TTLL11: variants seen among roughly 807,000 people sequenced by gnomAD.
TTLL11 encodes the protein tubulin polyglutamylase TTLL11.
A neutral mutation model predicts 51.7 loss-of-function variants in TTLL11; 42 were observed. The ratio of observed to expected loss-of-function variants is 0.81; its 90% CI spans 0.64 to 1.05. TTLL11 has a LOEUF of 1.05. Ranked by LOEUF, TTLL11 falls within the 50% of genes least tolerant of loss-of-function variation. TTLL11 has a pLI of 0.00. For missense variants in TTLL11, 799 were observed against 940.4 expected, an observed-to-expected ratio of 0.85 and a Z score of 1.97; for synonymous variants, 381 against 383.5, an observed-to-expected ratio of 0.99 and a Z score of 0.08.
chr9:121,861,628 A>G (rs921065837), intron 7 of TTLL11, among the ~76,000 whole-genome samples: 4 of 152,074 alleles, frequency 2.6e-5, no homozygotes, highest in Non-Finnish European at 4.4e-5. Context: ...TAGTCTCCAG[A>G]AGGAGGAGGG....
intron 1 of TTLL11, among the ~76,000 whole-genome samples, chr9:122,070,102 T>C (rs780034737): frequency 1.2e-4 from 18 of 151,784 alleles, no homozygotes; most frequent in Non-Finnish European, 2.2e-4. Context: ...CAAATCATTA[T>C]CCCCCATGAA....
Position 122,092,858 on chromosome 9 carries a change from C to G in TTLL11, c.291G>C (p.Gln97His). The G allele has an allele frequency of 6.4e-7, 1 of 1,571,432 alleles. No homozygotes were observed. Among genetic ancestry groups the G allele is most frequent in the Non-Finnish European group, 8.6e-7 (1 of 1,166,136 alleles). The change falls in exon 1 of 9, where the codon CAG (glutamine) becomes CAC (histidine). Residue 97 changes from glutamine (Q) to histidine (H), a missense_variant. By Grantham distance (24) the Gln-to-His change is conservative. Around this residue, in one of 3 missense-constraint regions of TTLL11, gnomAD observed 166 missense variants for 161.6 expected, o/e 1.03. Transcript: ENST00000321582. ...GGGGCTTCCCGTGCGGGCAGAGGCCCTGCACCGGCTTCGGCTTGGACGGGG... is the reference window on the plus strand; with the variant it reads ...GGGGCTTCCCGTGCGGGCAGAGGCCGTGCACCGGCTTCGGCTTGGACGGGG... The part of the protein sequence containing the change: ...TLPPSKPKPV[Q>H]GLCPHGKPRD...
chr9:121,967,760 CAAAT>C (rs1226730794), intron 6 of TTLL11, among the ~76,000 whole-genome samples: 2 of 152,250 alleles, frequency 1.3e-5, no homozygotes, highest in East Asian at 1.9e-4. Context: ...CATCAACTGA[CAAAT>C]GAATACTAAA....
intron 6 of TTLL11, among the ~76,000 whole-genome samples, chr9:121,971,679 G>C (rs560193997): frequency 1.4e-5 from 2 of 139,574 alleles, no homozygotes; most frequent in East Asian, 4.0e-4. Context: ...CCGTGTCTGT[G>C]TAGAAAGAAG....
chr9:122,038,593 G>C (rs1438334164), intron 2 of TTLL11, among the ~76,000 whole-genome samples: 2 of 152,208 alleles, frequency 1.3e-5, no homozygotes, highest in Non-Finnish European at 2.9e-5. Flanking sequence ...AGGTTGCAGT[G>C]AGCCAAGATC....
chr9:121,828,680 T>G (rs1180004581), intron 8 of TTLL11, among the ~76,000 whole-genome samples: 2 of 152,218 alleles, frequency 1.3e-5, no homozygotes, highest in Non-Finnish European at 2.9e-5. Flanking sequence ...ACACTTGGTA[T>G]TTCATTGTTT....
intron 6 of TTLL11, among the ~76,000 whole-genome samples, chr9:121,915,314 G>A (rs1840284092): frequency 6.6e-6 from 1 of 152,142 alleles, no homozygotes; most frequent in Admixed American, 6.6e-5. Context: ...GCAGATATTG[G>A]GCTATTTTGA....
intron 3 of TTLL11, among the ~76,000 whole-genome samples, chr9:121,991,711 C>G (rs1843119696): frequency 1.3e-5 from 2 of 152,216 alleles, no homozygotes; most frequent in Admixed American, 6.5e-5. Flanking sequence ...GTCTCCGTCA[C>G]TCATTGGATT....
chr9:121,937,712 A>C (rs746607466), intron 6 of TTLL11, among the ~76,000 whole-genome samples: 2 of 152,166 alleles, frequency 1.3e-5, no homozygotes, highest in Non-Finnish European at 2.9e-5. Flanking sequence ...GACCAGGCAA[A>C]CCAAAAAAAT....
In TTLL11 at chr9:122,024,879, T is replaced by A. The variant is rs140162188; in HGVS notation, c.693+6844A>T. Among the ~76,000 whole-genome samples, 57 of 149,990 alleles carry A rather than the reference T, an allele frequency of 3.8e-4. 1 individual carries two copies. Among genetic ancestry groups the A allele is most frequent in the Admixed American group, 1.1e-3 (16 of 14,830 alleles). On this transcript the variant is annotated intron_variant, in intron 3 of 8. Coordinates refer to ENST00000321582, the MANE Select transcript of TTLL11 (RefSeq NM_001139442.2). Reference sequence around the variant, plus strand: ...TGAGCTTGGGTTAGATATAAATTCCTATATATGACACAAAAAGCATGATCT... The same window carrying A: ...TGAGCTTGGGTTAGATATAAATTCCAATATATGACACAAAAAGCATGATCT...
chr9:121,860,454 TG>T lies in TTLL11; in HGVS notation c.1734-12del. Reference sequence around the variant, plus strand: ...CTGAGTTTGCAGCTCCTGCCAACAATGGGAAGTGACATGTCACTGCCAGCCT... The same window carrying T: ...CTGAGTTTGCAGCTCCTGCCAACAATGGAAGTGACATGTCACTGCCAGCCT... On this transcript the variant is annotated splice_polypyrimidine_tract_variant and intron_variant, in intron 7 of 8. Transcript: ENST00000321582. 4 of 1,549,480 alleles carry T rather than the reference TG, an allele frequency of 2.6e-6. No individual in the cohort carries two copies. The highest frequency in any genetic ancestry group is 3.5e-6 in the Non-Finnish European group (4 of 1,146,194).
intron 8 of TTLL11, among the ~76,000 whole-genome samples, chr9:121,858,577 C>T (rs1837899573): frequency 6.6e-6 from 1 of 152,184 alleles, no homozygotes; most frequent in African/African-American, 2.4e-5. Context: ...GCAGGAAGGA[C>T]CGGCTGCATC....
In TTLL11 at chr9:122,053,908, C is replaced by T. The variant is rs367650157; in HGVS notation, c.463-14540G>A. On this transcript the variant is annotated intron_variant, in intron 1 of 8. Transcript: ENST00000321582. ...GAGCCTTCCAATGTAATAAAGGCGC[C>T]GTCTGGCTCCAGTGGGTTTCCCGGG... 5.9e-5 allele frequency among the ~76,000 whole-genome samples: 9 copies of T among 152,158 alleles called. No individual in the cohort carries two copies. In the South Asian group the frequency reaches 6.2e-4, roughly 11 times the overall value.
chr9:121,830,256 C>A (rs1410681540), intron 8 of TTLL11, among the ~76,000 whole-genome samples: 1 of 152,208 alleles, frequency 6.6e-6, no homozygotes, highest in African/African-American at 2.4e-5. Flanking sequence ...ATGATCCAGA[C>A]CAGAGGCTCT....
At chr9:121,906,470 C>A (rs1357211713) in intron 6 of TTLL11, among the ~76,000 whole-genome samples, 5 of 152,138 alleles carry the variant, frequency 3.3e-5, no homozygotes, top group African/African-American at 1.2e-4. Flanking sequence ...TGTCTTTATC[C>A]CATCACAGTT....
At chr9:122,030,240 T>TTTA (rs1844498298) in intron 3 of TTLL11, among the ~76,000 whole-genome samples, 1 of 150,032 alleles carries the variant, frequency 6.7e-6, no homozygotes, top group African/African-American at 2.5e-5. Context: ...AGCTGAGAGT[T>TTTA]ATCTTTTAAA....
rs185655406 is a variant in TTLL11 at position 121,981,371 on chromosome 9, G to A, written c.1270-6392C>T. On this transcript the variant is annotated intron_variant, in intron 4 of 8. Coordinates refer to ENST00000321582, the MANE Select transcript of TTLL11 (RefSeq NM_001139442.2). ...CATCCAGTGATATTTTCATCTCAGA[G>A]ATTATATTTTCTGTTATAGAAGTTT... Among the ~76,000 whole-genome samples, 11 of 152,176 alleles carry A rather than the reference G, an allele frequency of 7.2e-5. No individual in the cohort carries two copies. In the East Asian group the frequency reaches 1.7e-3, roughly 24 times the overall value.
At chr9:121,857,040 T>A (rs1218325897) in intron 8 of TTLL11, among the ~76,000 whole-genome samples, 1 of 152,220 alleles carries the variant, frequency 6.6e-6, no homozygotes, top group Non-Finnish European at 1.5e-5. Flanking sequence ...GGGCCCTGGC[T>A]GGCACCAGCA....
intron 3 of TTLL11, among the ~76,000 whole-genome samples, chr9:122,018,732 A>T (rs534404109): frequency 6.6e-6 from 1 of 152,328 alleles, no homozygotes; most frequent in Non-Finnish European, 1.5e-5. Flanking sequence ...CTAAACTAGC[A>T]GTTTTCAAAT....
Sources: gnomAD v4.1 joint callset for allele counts (sites outside exome capture counted in the v4.1 genomes callset) on GRCh38, gnomAD v4.1.1 for gene constraint, gnomAD v4.1.1 regional missense constraint, MANE v1.5 for transcripts, NCBI Gene and HGNC (gene_info 2026-07-23, HGNC 2026-07-21) for gene names.